Variants in PUDP observed in about 807,000 individuals in gnomAD.
PUDP encodes the protein pseudouridine-5'-phosphatase.
A neutral mutation model predicts 9.4 loss-of-function variants in PUDP; 8 were observed. The observed-to-expected ratio is 0.85, with a 90% CI of 0.50 to 1.53. The LOEUF (loss-of-function observed/expected upper bound fraction) is 1.53, where lower values mean the gene tolerates loss of function less well. Among genes scored for constraint, PUDP ranks in the 40% most tolerant of loss-of-function variants. The pLI, the probability that PUDP is intolerant of heterozygous loss-of-function variation, is 0.00. For synonymous variants in PUDP, 99 were observed against 80.7 expected, an observed-to-expected ratio of 1.23 and a Z score of -1.22; for missense variants, 188 against 189.7, an observed-to-expected ratio of 0.99 and a Z score of 0.05.
intron 3 of PUDP, among the ~76,000 whole-genome samples, chrX:7,054,511 T>C (rs1930187553): frequency 8.9e-6 from 1 of 112,404 alleles, no homozygotes; most frequent in Non-Finnish European, 1.9e-5. Context: ...CCCTCAGTGT[T>C]CAAATGATTG....
intron 1 of PUDP, among the ~76,000 whole-genome samples, chrX:7,029,310 T>C (rs1431366305): frequency 8.9e-6 from 1 of 112,008 alleles, no homozygotes; most frequent in Non-Finnish European, 1.9e-5. Context: ...TCCTGGGGGC[T>C]AGGACTTCAA....
At chrX:6,822,284 A>G (rs1160135523) in intron 3 of PUDP, among the ~76,000 whole-genome samples, 2 of 111,956 alleles carry the variant, frequency 1.8e-5, no homozygotes, top group Non-Finnish European at 3.8e-5. Flanking sequence ...TTTATCTCCG[A>G]AGATGAAGAA....
chrX:6,736,568 G>A (rs1022202231), intron 3 of PUDP, among the ~76,000 whole-genome samples: 26 of 111,827 alleles, frequency 2.3e-4, no homozygotes, highest in Admixed American at 8.5e-4. Context: ...TCATTGCAGC[G>A]CAGTTCACAA....
intron 3 of PUDP, among the ~76,000 whole-genome samples, chrX:6,772,537 C>T (rs1456306113): frequency 9.2e-6 from 1 of 108,812 alleles, no homozygotes; most frequent in African/African-American, 3.4e-5. Flanking sequence ...GAATAGATTG[C>T]ACCAGTTTAA....
chrX:7,081,330 G>A (rs1438852609), intron 2 of PUDP, among the ~76,000 whole-genome samples: 1 of 111,203 alleles, frequency 9.0e-6, no homozygotes, highest in Non-Finnish European at 1.9e-5. Flanking sequence ...ATTTTTTTAT[G>A]TTTTGTAGAG....
intron 3 of PUDP, among the ~76,000 whole-genome samples, chrX:6,782,003 AT>A (rs969935246): frequency 5.4e-5 from 6 of 110,593 alleles, no homozygotes; most frequent in African/African-American, 1.6e-4. Context: ...TCTCAAGAGG[AT>A]TTTTTTTTCT....
At chrX:7,023,663 G>A (rs1054812072) in intron 1 of PUDP, among the ~76,000 whole-genome samples, 1 of 111,924 alleles carries the variant, frequency 8.9e-6, no homozygotes, top group Non-Finnish European at 1.9e-5. Flanking sequence ...AAAATCAGTT[G>A]TGCATATATA....
At chrX:7,121,831 C>T (rs1932350552) in intron 1 of PUDP, among the ~76,000 whole-genome samples, 2 of 111,548 alleles carry the variant, frequency 1.8e-5, no homozygotes, top group South Asian at 7.5e-4. Flanking sequence ...AGAGCTCTAC[C>T]ATATCTTTAA....
chrX:7,143,267 C>T (rs188438207), intron 1 of PUDP, among the ~76,000 whole-genome samples: 91 of 111,579 alleles, frequency 8.2e-4, no homozygotes, highest in African/African-American at 2.9e-3. Flanking sequence ...AAACCAAAAA[C>T]TTCATGTGAC....
intron 3 of PUDP, among the ~76,000 whole-genome samples, chrX:6,728,088 C>T (rs781698611): frequency 1.5e-4 from 17 of 111,337 alleles, no homozygotes; most frequent in Non-Finnish European, 2.8e-4. Flanking sequence ...ACAATCATGG[C>T]AGAAGGCAAA....
At chrX:6,738,903 C>T (rs1403594817) in intron 3 of PUDP, among the ~76,000 whole-genome samples, 4 of 111,057 alleles carry the variant, frequency 3.6e-5, no homozygotes, top group East Asian at 2.8e-4. Flanking sequence ...CTCTTTTTTT[C>T]GGTGCTTTTG....
chrX:6,707,670 T>C (rs878901853), intron 1 of PUDP, among the ~76,000 whole-genome samples: 1 of 111,130 alleles, frequency 9.0e-6, no homozygotes, highest in Admixed American at 9.6e-5. Context: ...CAGGTGGTAA[T>C]GTGAGTGATG....
At chrX:6,853,171 G>A (rs1423471659) in intron 3 of PUDP, among the ~76,000 whole-genome samples, 3 of 111,631 alleles carry the variant, frequency 2.7e-5, no homozygotes, top group Non-Finnish European at 5.6e-5. Context: ...CTGTCGGCAT[G>A]TCTTAGGCAA....
At chrX:6,788,307 A>G (rs1424874849) in intron 3 of PUDP, among the ~76,000 whole-genome samples, 2 of 112,271 alleles carry the variant, frequency 1.8e-5, no homozygotes, top group Admixed American at 9.5e-5. Flanking sequence ...GAGCAAGTTT[A>G]AGGTCAGCTA....
intron 1 of PUDP, among the ~76,000 whole-genome samples, chrX:7,122,698 CTG>C (rs770631881): frequency 3.6e-5 from 4 of 111,991 alleles, no homozygotes; most frequent in Admixed American, 2.9e-4. Context: ...CTTATAAAGA[CTG>C]TGTGGATACA....
chrX:7,113,255 G>A (rs1262850954), intron 1 of PUDP: 1 of 113,023 alleles, frequency 8.8e-6, no homozygotes, highest in Non-Finnish European at 1.9e-5. Context: ...TCCCGATGTT[G>A]ACACTGGCCA....
rs144233346 is a variant in PUDP at position 6,924,057 on chromosome X, C to T, written c.*247+53076G>A. 3.1e-4 allele frequency among the ~76,000 whole-genome samples: 35 copies of T among 111,272 alleles called. 1 individual carries two copies. The East Asian group carries it at 9.6e-3, about 31-fold the overall frequency. ...CACCTTCCATTCCTTCGTCCTCCTGCAAAGTCACCATCTAAGGGAGCCCTT... is the reference window on the plus strand; with the variant it reads ...CACCTTCCATTCCTTCGTCCTCCTGTAAAGTCACCATCTAAGGGAGCCCTT... On this transcript the variant is annotated intron_variant and NMD_transcript_variant, in intron 3 of 3. Coordinates refer to the PUDP transcript ENST00000655425.
intron 1 of PUDP, among the ~76,000 whole-genome samples, chrX:7,029,368 T>C (rs1056834710): frequency 8.9e-6 from 1 of 112,022 alleles, no homozygotes; most frequent in African/African-American, 3.2e-5. Context: ...GACAAAATAC[T>C]TCTAATGGTG....
chrX:6,721,959 A>C (rs943403493), upstream of PUDP, among the ~76,000 whole-genome samples: 1 of 111,509 alleles, frequency 9.0e-6, no homozygotes, highest in Admixed American at 9.6e-5. Flanking sequence ...GACTACACTT[A>C]GCAGAATAAG....
Sources: gnomAD v4.1 joint callset for allele counts (sites outside exome capture counted in the v4.1 genomes callset) on GRCh38, gnomAD v4.1.1 for gene constraint, MANE v1.5 for transcripts, NCBI Gene and HGNC (gene_info 2026-07-23, HGNC 2026-07-21) for gene names.